The following TMEM131 variants were observed in gnomAD, a reference collection of about 807,000 sequenced individuals.
TMEM131 encodes the protein 2610524E03Rik.
Under a neutral mutation model 211.6 loss-of-function variants are expected in TMEM131, and 66 were observed. The ratio of observed to expected loss-of-function variants is 0.31; its 90% CI spans 0.26 to 0.38. The LOEUF is 0.38. Ranked by LOEUF, TMEM131 falls within the 10% of genes least tolerant of loss-of-function variation. The probability of loss-of-function intolerance (pLI) is 1.00; values close to 1 mark genes in which losing one functional copy is unlikely to be tolerated. For synonymous variants in TMEM131, 844 were observed against 841.3 expected (o/e 1.00, Z -0.06); for missense variants, 2,036 against 2,299.3 (o/e 0.89, Z 2.34).
At chr2:97,759,948 T>C (rs190830246) in intron 38 of TMEM131, 199 bp from the exon 39 acceptor site, 1 of 562,816 alleles carries the variant, frequency 1.8e-6, no homozygotes, top group East Asian at 2.9e-5. Context: ...GAGCTCCGGA[T>C]GCCCTATCAC....
chr2:97,864,320 A>C (rs1220937577), intron 4 of TMEM131, among the ~76,000 whole-genome samples: 1 of 152,166 alleles, frequency 6.6e-6, no homozygotes, highest in Non-Finnish European at 1.5e-5. Flanking sequence ...TCCTAGCACA[A>C]CACGGTGACT....
intron 31 of TMEM131, among the ~76,000 whole-genome samples, chr2:97,786,617 G>A (rs190698605): frequency 1.6e-3 from 239 of 152,290 alleles, no homozygotes; most frequent in African/African-American, 5.5e-3. Flanking sequence ...GTGTGTGGAA[G>A]AACACTTAGG....
Position 97,995,673 on chromosome 2 carries a change from C to T in TMEM131, c.-11G>A. 3.3e-6 allele frequency: 4 copies of T among 1,200,640 alleles called. No individual in the cohort carries two copies. Among genetic ancestry groups the T allele is most frequent in the South Asian group, 4.2e-5 (1 of 24,092 alleles). 74.4% of individuals were successfully genotyped at this position (1,200,640 alleles called of 1,614,324 possible). ...CGCCCGCTTCCCCATCCCTGCCGGC[C>T]GGGGGCCGCCGCGCTCGAGGTCCGG... is the stretch of plus-strand genomic sequence containing the variant. On this transcript the variant is annotated 5_prime_UTR_variant, in exon 1 of 41. Transcript: ENST00000186436.
chr2:97,875,310 A>G (rs1038694237), intron 4 of TMEM131, among the ~76,000 whole-genome samples: 6 of 152,102 alleles, frequency 3.9e-5, no homozygotes, highest in African/African-American at 1.4e-4. Flanking sequence ...ACAGATCAAC[A>G]AGACAGAAAA....
intron 1 of TMEM131, among the ~76,000 whole-genome samples, chr2:97,932,626 T>C (rs979072412): frequency 6.6e-6 from 1 of 152,216 alleles, no homozygotes; most frequent in African/African-American, 2.4e-5. Context: ...TTTCACCTTA[T>C]CCTAAAGAAT....
chr2:97,837,993 G>T (rs1056609989), intron 7 of TMEM131, among the ~76,000 whole-genome samples: 3 of 152,098 alleles, frequency 2.0e-5, no homozygotes, highest in Non-Finnish European at 4.4e-5. Flanking sequence ...ATATACTCTT[G>T]TGTCTGGCTT....
Position 97,812,513 on chromosome 2 carries a change from T to C in TMEM131, c.1771A>G (p.Ile591Val), listed in dbSNP as rs759634424. The stretch of plus-strand genomic sequence containing the variant: ...CCTCTTTCCACAGCTACAAGTTCTA[T>C]TGATAAACCGTCTCCTATGATATGC... The part of the protein sequence containing the change: ...SWHIIGDGLS[I>V]ELVAVERGNR... The change falls in exon 17 of 41, where the codon ATA becomes GTA. Residue 591 changes from isoleucine to valine, a missense_variant. Physicochemically the swap from Ile to Val is conservative, Grantham distance 29 (BLOSUM62 3). This residue lies in a region of TMEM131 where 1,623 missense variants were observed against 1,805.9 expected (regional missense o/e 0.90). Coordinates refer to ENST00000186436, the MANE Select transcript of TMEM131 (RefSeq NM_015348.2). 8 of 1,612,276 alleles carry C rather than the reference T, an allele frequency of 5.0e-6. No homozygotes were observed. The highest frequency in any genetic ancestry group is 3.4e-5 in the Admixed American group (2 of 59,680).
chr2:97,991,714 A>T (rs1038556545), intron 1 of TMEM131, among the ~76,000 whole-genome samples: 1 of 152,202 alleles, frequency 6.6e-6, no homozygotes, highest in Admixed American at 6.5e-5. Flanking sequence ...AGCTGTAGGA[A>T]AAGGGCCTCT....
At position 97,757,228 on chromosome 2, in the gene TMEM131, G is replaced by C; in HGVS notation, c.5523C>G (p.His1841Gln). 1 of 1,614,004 alleles carries C rather than the reference G, an allele frequency of 6.2e-7. No individual in the cohort carries two copies. Among genetic ancestry groups the C allele is most frequent in the Non-Finnish European group, 8.5e-7 (1 of 1,179,892 alleles). Residue 1841 changes from histidine (H) to glutamine (Q), a missense_variant, in exon 41 of 41, where the codon CAC (histidine) becomes CAG (glutamine). Physicochemically the swap from His to Gln is conservative, Grantham distance 24 (BLOSUM62 0). Transcript: ENST00000186436. Reference sequence around the variant, plus strand: ...CAGCTGGACTGGAGGTGGAGGGAGCGTGAGGAGCAGGGGAGTTTTCTGTGC... The same window carrying C: ...CAGCTGGACTGGAGGTGGAGGGAGCCTGAGGAGCAGGGGAGTTTTCTGTGC... ...LMGTENSPAPHAPSTSSPADD... is the reference protein window; with the variant it reads ...LMGTENSPAPQAPSTSSPADD...
At chr2:97,803,813 G>A (rs1166222910) in intron 22 of TMEM131, among the ~76,000 whole-genome samples, 1 of 152,134 alleles carries the variant, frequency 6.6e-6, no homozygotes. Context: ...GCTGAGCATA[G>A]GACAACACTG....
At chr2:97,908,536 T>C in intron 3 of TMEM131, 122 bp downstream of exon 3, 2 of 669,176 alleles carry the variant, frequency 3.0e-6, no homozygotes, top group Admixed American at 2.9e-5. Context: ...AATCATATAA[T>C]GTGATTTACA....
chr2:97,838,077 T>C (rs1437930177), intron 7 of TMEM131, among the ~76,000 whole-genome samples: 2 of 152,238 alleles, frequency 1.3e-5, no homozygotes, highest in Non-Finnish European at 2.9e-5. Flanking sequence ...ATTTGATGAC[T>C]ATACCGCAGT....
Position 97,759,715 on chromosome 2 carries a change from T to G in TMEM131, c.5143A>C (p.Ser1715Arg). 6.2e-7 allele frequency: 1 copy of G among 1,613,664 alleles called. No individual in the cohort carries two copies. The highest frequency in any genetic ancestry group is 8.5e-7 in the Non-Finnish European group (1 of 1,179,776). The change falls in exon 39 of 41, where the codon AGC becomes CGC. Residue 1715 changes from serine to arginine, a missense_variant. Ser to Arg is a moderately radical substitution (Grantham distance 110). Transcript: ENST00000186436. ...GAATTGAGGGGAGTGAAGTCAGGGC[T>G]GCTTGGGTTGCTGACGGGACTCCAC... ...GLWSPVSNPS[S>R]PDFTPLNSFS...
intron 4 of TMEM131, among the ~76,000 whole-genome samples, chr2:97,876,228 C>T (rs945344204): frequency 6.6e-6 from 1 of 152,056 alleles, no homozygotes; most frequent in Admixed American, 6.6e-5. Flanking sequence ...GCCTACCAAC[C>T]GAAAAAGTCC....
intron 33 of TMEM131, among the ~76,000 whole-genome samples, chr2:97,767,087 T>C (rs1240717980): frequency 2.0e-5 from 3 of 152,150 alleles, no homozygotes; most frequent in Non-Finnish European, 4.4e-5. Flanking sequence ...ATTTTTCTCA[T>C]AGAAATTATG....
chr2:97,779,657 C>G (rs1423550826), intron 31 of TMEM131, among the ~76,000 whole-genome samples: 1 of 152,208 alleles, frequency 6.6e-6, no homozygotes, highest in Non-Finnish European at 1.5e-5. Flanking sequence ...AACCAGAACT[C>G]TGCGGGTAGG....
At chr2:97,923,399 G>A (rs954853208) in intron 2 of TMEM131, among the ~76,000 whole-genome samples, 4 of 152,054 alleles carry the variant, frequency 2.6e-5, no homozygotes, top group African/African-American at 9.7e-5. Flanking sequence ...GAGATGGGAG[G>A]ACTGCTTGAG....
chr2:97,766,361 T>C, intron 34 of TMEM131, 98 bp from the exon 35 acceptor site: 1 of 1,598,182 alleles, frequency 6.3e-7, no homozygotes, highest in Non-Finnish European at 8.5e-7. Flanking sequence ...GAACACAGCC[T>C]TAGCCTTGCA....
chr2:97,942,461 A>G (rs1242377115), intron 1 of TMEM131, among the ~76,000 whole-genome samples: 1 of 144,226 alleles, frequency 6.9e-6, no homozygotes, highest in Admixed American at 6.9e-5. Context: ...TGTACCCTAG[A>G]ACTTAAAGTA....
Sources: gnomAD v4.1 joint callset for allele counts (sites outside exome capture counted in the v4.1 genomes callset) on GRCh38, gnomAD v4.1.1 for gene constraint, gnomAD v4.1.1 regional missense constraint, MANE v1.5 for transcripts, NCBI Gene and HGNC (gene_info 2026-07-23, HGNC 2026-07-21) for gene names.